NECAB1: variants seen among roughly 807,000 people sequenced by gnomAD.
NECAB1 encodes the protein N-terminal EF-hand calcium binding protein 1, also known as N-terminal EF-hand calcium-binding protein 1.
Under a neutral mutation model 57.5 loss-of-function variants are expected in NECAB1, and 29 were observed. The observed-to-expected ratio is 0.50, with a 90% CI of 0.38 to 0.69. The LOEUF (loss-of-function observed/expected upper bound fraction) is 0.69. Ranked by LOEUF, NECAB1 falls within the 30% of genes least tolerant of loss-of-function variation. The probability of loss-of-function intolerance (pLI) is 0.00; values close to 1 mark genes in which losing one functional copy is unlikely to be tolerated. For missense variants in NECAB1, 372 were observed against 413.8 expected (o/e 0.90, Z 0.88); for synonymous variants, 142 against 147.7 (o/e 0.96, Z 0.28).
At chr8:90,814,919 A>G (rs1812032700) in intron 2 of NECAB1, among the ~76,000 whole-genome samples, 1 of 152,312 alleles carries the variant, frequency 6.6e-6, no homozygotes, top group South Asian at 2.1e-4. Flanking sequence ...AAGGAAATAC[A>G]TATGTGTATA....
intron 3 of NECAB1, among the ~76,000 whole-genome samples, chr8:90,852,985 C>T (rs1812714400): frequency 6.6e-6 from 1 of 152,236 alleles, no homozygotes; most frequent in African/African-American, 2.4e-5. Context: ...AGAGGACCCA[C>T]TGAGCTGTTA....
chr8:90,799,708 C>A (rs1297630761), intron 1 of NECAB1, among the ~76,000 whole-genome samples: 2 of 152,114 alleles, frequency 1.3e-5, no homozygotes, highest in African/African-American at 4.8e-5. Flanking sequence ...TCTACTGTAG[C>A]CTTACTGTAT....
At chr8:90,836,375 G>A (rs1015229286) in intron 3 of NECAB1, among the ~76,000 whole-genome samples, 5 of 152,118 alleles carry the variant, frequency 3.3e-5, no homozygotes, top group Non-Finnish European at 7.4e-5. Context: ...AGAAAACTGG[G>A]CATGAGAATC....
At chr8:90,797,979 C>T (rs1811690572) in intron 1 of NECAB1, among the ~76,000 whole-genome samples, 1 of 152,102 alleles carries the variant, frequency 6.6e-6, no homozygotes, top group Non-Finnish European at 1.5e-5. Flanking sequence ...ATGTACCCTC[C>T]ACAGTTCTGG....
At chr8:90,811,454 A>G (rs536799304) in intron 2 of NECAB1, among the ~76,000 whole-genome samples, 1 of 152,284 alleles carries the variant, frequency 6.6e-6, no homozygotes, top group East Asian at 1.9e-4. Flanking sequence ...AGGCTTATGG[A>G]CTCATTGTCC....
chr8:90,923,331 G>C (rs996403222), intron 6 of NECAB1, among the ~76,000 whole-genome samples: 1 of 152,194 alleles, frequency 6.6e-6, no homozygotes, highest in Non-Finnish European at 1.5e-5. Context: ...ATACTGAAGA[G>C]TGAGATGTGA....
chr8:90,958,970 C>T lies in NECAB1; in HGVS notation c.*3458C>T. 2 of 1,349,462 alleles carry T rather than the reference C, an allele frequency of 1.5e-6. No homozygotes were observed. The highest frequency in any genetic ancestry group is 1.0e-6 in the Non-Finnish European group (1 of 998,314). The allele number at this position is 1,349,462 out of a possible 1,614,324, so 83.6% of individuals were successfully genotyped here. On this transcript the variant is annotated 3_prime_UTR_variant, in exon 13 of 13. Coordinates refer to ENST00000417640, the MANE Select transcript of NECAB1 (RefSeq NM_022351.5). ...ATTGTTGCTAGATCCACCTCATTTG[C>T]AGATGTCCAAACTTAAATTCATCTG... is the stretch of plus-strand genomic sequence containing the variant.
intron 3 of NECAB1, among the ~76,000 whole-genome samples, chr8:90,830,494 C>T (rs750085769): frequency 1.3e-4 from 20 of 152,042 alleles, no homozygotes; most frequent in Non-Finnish European, 2.2e-4. Flanking sequence ...ATGAACAAAC[C>T]GGGCTTGCCA....
intron 2 of NECAB1, among the ~76,000 whole-genome samples, chr8:90,814,142 GT>G (rs1329641893): frequency 4.6e-5 from 7 of 152,192 alleles, no homozygotes; most frequent in African/African-American, 1.7e-4. Flanking sequence ...ATCTTGACAA[GT>G]TTCAAGGAGT....
In NECAB1 at chr8:90,896,809, A is replaced by C. The variant is rs192879847; in HGVS notation, c.357+15679A>C. The stretch of plus-strand genomic sequence containing the variant: ...TACTCCACTCTAACTCATTCGGATC[A>C]CCTGCTCCACCCTAACTCATTCTGA... On this transcript the variant is annotated intron_variant, in intron 5 of 12. Coordinates refer to ENST00000417640, the MANE Select transcript of NECAB1 (RefSeq NM_022351.5). Among the ~76,000 whole-genome samples, 259 of 152,172 alleles carry C rather than the reference A, an allele frequency of 1.7e-3. 1 individual carries two copies. The highest frequency in any genetic ancestry group is 6.0e-3 in the African/African-American group (248 of 41,514).
chr8:90,798,011 G>T (rs1811690849), intron 1 of NECAB1, among the ~76,000 whole-genome samples: 1 of 152,182 alleles, frequency 6.6e-6, no homozygotes, highest in African/African-American at 2.4e-5. Context: ...GCGAAATCAA[G>T]CTGCTAGCAG....
At chr8:90,882,401 A>T (rs1181069534) in intron 5 of NECAB1, among the ~76,000 whole-genome samples, 2 of 152,076 alleles carry the variant, frequency 1.3e-5, no homozygotes, top group African/African-American at 4.8e-5. Flanking sequence ...TATCCAAATA[A>T]CAAATTCCAA....
chr8:90,884,395 C>T (rs139923603), intron 5 of NECAB1, among the ~76,000 whole-genome samples: 238 of 152,254 alleles, frequency 1.6e-3, no homozygotes, highest in African/African-American at 5.5e-3. Flanking sequence ...CACTAAAGAT[C>T]ACAATCATTT....
intron 3 of NECAB1, among the ~76,000 whole-genome samples, chr8:90,850,429 T>C (rs999360941): frequency 6.6e-6 from 1 of 152,162 alleles, no homozygotes; most frequent in African/African-American, 2.4e-5. Flanking sequence ...AGAAAGAAGA[T>C]TTAGGCTTGA....
chr8:90,911,966 T>C (rs1809841051), intron 5 of NECAB1, among the ~76,000 whole-genome samples: 1 of 152,178 alleles, frequency 6.6e-6, no homozygotes, highest in Non-Finnish European at 1.5e-5. Context: ...GTTAAGGAAA[T>C]AGGGATTTTA....
intron 3 of NECAB1, among the ~76,000 whole-genome samples, chr8:90,833,298 C>T (rs1054123845): frequency 6.6e-6 from 1 of 151,938 alleles, no homozygotes; most frequent in African/African-American, 2.4e-5. Flanking sequence ...TTCCTTTAAT[C>T]GTTTGTATTA....
chr8:90,937,472 T>TA (rs568649885), intron 9 of NECAB1, among the ~76,000 whole-genome samples: 17 of 152,050 alleles, frequency 1.1e-4, no homozygotes, highest in Non-Finnish European at 2.2e-4. Context: ...GAAGTTTTTT[T>TA]AAAAAAAACT....
chr8:90,827,333 TGTCTCACACTGTTTGTG>T (rs1563498207), intron 3 of NECAB1, among the ~76,000 whole-genome samples: 1 of 151,996 alleles, frequency 6.6e-6, no homozygotes, highest in Non-Finnish European at 1.5e-5. Flanking sequence ...TCAGACTCAC[TGTCTCACACTGTTTGTG>T]GTAGGCTGTG....
At chr8:90,940,652 C>T (rs534656573) in intron 9 of NECAB1, 134 bp from the exon 10 acceptor site, 2 of 663,986 alleles carry the variant, frequency 3.0e-6, no homozygotes, top group South Asian at 3.5e-5. Flanking sequence ...TTGGAATAGT[C>T]ATGGCCTTCC....
Sources: allele counts gnomAD v4.1 joint callset (sites outside exome capture counted in the v4.1 genomes callset), GRCh38; gene constraint gnomAD v4.1.1; transcripts MANE v1.5; gene names NCBI Gene and HGNC (gene_info 2026-07-23, HGNC 2026-07-21).